The following CHAF1A variants were observed in gnomAD, a reference collection of about 807,000 sequenced individuals.
CHAF1A encodes chromatin assembly factor 1 subunit A.
A neutral mutation model predicts 93.2 loss-of-function variants in CHAF1A; 5 were observed. The ratio of observed to expected loss-of-function variants is 0.05; its 90% CI spans 0.03 to 0.11. The LOEUF (loss-of-function observed/expected upper bound fraction) is 0.11. Ranked by LOEUF, CHAF1A falls within the 10% of genes least tolerant of loss-of-function variation. The probability of loss-of-function intolerance (pLI) is 1.00; values close to 1 mark genes in which losing one functional copy is unlikely to be tolerated. For synonymous variants in CHAF1A, 504 were observed against 510.3 expected (o/e 0.99, Z 0.17); for missense variants, 1,102 against 1,259.9 (o/e 0.87, Z 1.90).
At position 4,433,016 on chromosome 19, in the gene CHAF1A, G is replaced by A; in HGVS notation, c.2204-54G>A. The A allele has an allele frequency of 3.6e-6, 5 of 1,399,340 alleles. No individual in the cohort carries two copies. The highest frequency in any genetic ancestry group is 1.4e-5 in the South Asian group (1 of 72,440). The allele number at this position is 1,399,340 out of a possible 1,614,324, so 86.7% of individuals were successfully genotyped here. On this transcript the variant is annotated intron_variant, in intron 12 of 14. Coordinates refer to ENST00000301280, the MANE Select transcript of CHAF1A (RefSeq NM_005483.3). This position sits in a 1 kb window ranked among gnomAD's most constrained non-coding sequence, Gnocchi z 5.6. ...GTGTATGTGTTTTGTTTTTTGGCCT[G>A]TGGTGATGGGTGGCTCCCCAAGCCT... is the stretch of plus-strand genomic sequence containing the variant.
chr19:4,447,129 A>G (rs1974550311), downstream of CHAF1A: 4 of 606,044 alleles, frequency 6.6e-6, no homozygotes, highest in South Asian at 8.0e-5. Flanking sequence ...GCACAGAGGA[A>G]AGAGTCACAA....
Position 4,409,391 on chromosome 19 carries a change from G to C in CHAF1A, c.592G>C (p.Asp198His). Residue 198 changes from aspartate to histidine, a missense_variant, in exon 3 of 15, where the codon GAC (aspartate) becomes CAC (histidine). Transcript: ENST00000301280. ...CTGTGGAGGTGCAGGGAGGAGAGGC[G>C]ACTCCCAGGAATGTTCGCCACGGAG... ...VGCGGAGRRG[D>H]SQECSPRSCP... 1 of 1,614,098 alleles carries C rather than the reference G, an allele frequency of 6.2e-7. No individual in the cohort carries two copies. The highest frequency in any genetic ancestry group is 8.5e-7 in the Non-Finnish European group (1 of 1,180,018).
intron 7 of CHAF1A, among the ~76,000 whole-genome samples, chr19:4,427,839 C>T (rs371471820): frequency 2.0e-5 from 3 of 152,202 alleles, no homozygotes; most frequent in East Asian, 1.9e-4. Context: ...CCACCCGCCT[C>T]GGCCTCCCAA....
At chr19:4,412,023 T>A (rs901565285) in intron 3 of CHAF1A, among the ~76,000 whole-genome samples, 1 of 152,154 alleles carries the variant, frequency 6.6e-6, no homozygotes, top group African/African-American at 2.4e-5. Context: ...ACAGATTATT[T>A]TATCACTCAG....
At chr19:4,404,135 TA>T (rs929921613) in intron 1 of CHAF1A, among the ~76,000 whole-genome samples, 10 of 148,514 alleles carry the variant, frequency 6.7e-5, no homozygotes, top group Admixed American at 2.0e-4. Flanking sequence ...TATTTAACTT[TA>T]AAAAAAAAAA....
At chr19:4,406,376 T>G (rs551460732) in intron 2 of CHAF1A, among the ~76,000 whole-genome samples, 1 of 152,220 alleles carries the variant, frequency 6.6e-6, no homozygotes, top group South Asian at 2.1e-4. Flanking sequence ...TCCCAAATCC[T>G]TCTGCATAAA....
chr19:4,445,324 T>C (rs1383551870), downstream of CHAF1A: 1 of 1,106,574 alleles, frequency 9.0e-7, no homozygotes, highest in African/African-American at 1.6e-5. Context: ...CCCCAAGGGA[T>C]GGGGGCTCTG....
Position 4,402,779 on chromosome 19 carries a change from A to G in CHAF1A, c.17A>G (p.Glu6Gly). MLEEL[E>G]CGAPGARGAA... ...GCCGGGGCGATGCTGGAGGAGCTGG[A>G]GTGCGGGGCGCCCGGCGCCAGGGGA... Residue 6 changes from glutamate to glycine, a missense_variant, in exon 1 of 15, where the codon GAG (glutamate) becomes GGG (glycine). Transcript: ENST00000301280. The G allele has an allele frequency of 8.3e-7, 1 of 1,204,590 alleles. No individual in the cohort carries two copies. Among genetic ancestry groups the G allele is most frequent in the Non-Finnish European group, 1.0e-6 (1 of 970,590 alleles). The allele number at this position is 1,204,590 out of a possible 1,614,324, so 74.6% of individuals were successfully genotyped here. A position where few individuals can be genotyped will look rare whatever the true frequency, so the allele number is the denominator to read the frequency against.
downstream of CHAF1A, chr19:4,446,691 G>A (rs140698840): frequency 1.3e-4 from 213 of 1,610,916 alleles, 3 homozygotes; most frequent in South Asian, 1.8e-3. Flanking sequence ...AGGTGGTCTC[G>A]CTCAGCACGT....
At chr19:4,419,255 C>T (rs1382744927) in intron 4 of CHAF1A, among the ~76,000 whole-genome samples, 1 of 152,052 alleles carries the variant, frequency 6.6e-6, no homozygotes, top group Non-Finnish European at 1.5e-5. Flanking sequence ...ACCAAAACTC[C>T]AGGGAAGGCC....
chr19:4,425,827 A>ACATTC (rs1280561524), intron 7 of CHAF1A, among the ~76,000 whole-genome samples: 2 of 152,216 alleles, frequency 1.3e-5, no homozygotes, highest in Non-Finnish European at 2.9e-5. Context: ...ACTCAGATGT[A>ACATTC]CATTCCCGGC....
At chr19:4,450,237 AAAAG>A in the CHAF1A span, 1 of 151,758 alleles carries the variant, frequency 6.6e-6, no homozygotes, top group African/African-American at 2.4e-5. Context: ...AAAAAAAAAA[AAAAG>A]CACTGGAGAG....
downstream of CHAF1A, chr19:4,446,982 C>G: frequency 6.5e-7 from 1 of 1,534,622 alleles, no homozygotes; most frequent in Middle Eastern, 1.7e-4. Flanking sequence ...GGCCACACCC[C>G]ACCCAGTCCA....
At chr19:4,446,399 TCCA>T, downstream of CHAF1A, 6 of 1,578,822 alleles carry the variant, frequency 3.8e-6, no homozygotes, top group Non-Finnish European at 5.1e-6. Flanking sequence ...GCTCAGCCGC[TCCA>T]CCGCCTCGGA....
Position 4,418,093 on chromosome 19 carries a change from G to A in CHAF1A, c.1017+17G>A. 2 of 1,569,796 alleles carry A rather than the reference G, an allele frequency of 1.3e-6. No homozygotes were observed. The highest frequency in any genetic ancestry group is 1.7e-6 in the Non-Finnish European group (2 of 1,150,652). ...CTGCAAAGAGTAAGACATTTTCCCT[G>A]AAATAGAAAATTAACCTGCTGTGCT... is the stretch of plus-strand genomic sequence containing the variant. On this transcript the variant is annotated intron_variant, in intron 4 of 14. Coordinates refer to ENST00000301280, the MANE Select transcript of CHAF1A (RefSeq NM_005483.3).
chr19:4,446,965 A>G (rs1490674176), downstream of CHAF1A: 1 of 1,589,576 alleles, frequency 6.3e-7, no homozygotes, highest in South Asian at 1.1e-5. Flanking sequence ...GGCTTCCTCC[A>G]TGGCCTGGCC....
chr19:4,442,232 CCT>C lies in CHAF1A; in HGVS notation c.2674-12_2674-11del. 1 of 1,613,186 alleles carries C rather than the reference CCT, an allele frequency of 6.2e-7. No homozygotes were observed. Among genetic ancestry groups the C allele is most frequent in the Non-Finnish European group, 8.5e-7 (1 of 1,179,270 alleles). On this transcript the variant is annotated splice_polypyrimidine_tract_variant and intron_variant, in intron 13 of 14. Transcript: ENST00000301280. ...GCCTGCAGTGCTGATGGCCGTGTAC[CCT>C]GTCTGTCCAGATTGGTGCTGAAGAC...
downstream of CHAF1A, among the ~76,000 whole-genome samples, chr19:4,443,957 A>G (rs1216970987): frequency 6.6e-6 from 1 of 152,102 alleles, no homozygotes; most frequent in Non-Finnish European, 1.5e-5. Context: ...AGGGAACCCT[A>G]TGTGGGAAAA....
chr19:4,446,317 C>T (rs1473881087), downstream of CHAF1A: 1 of 1,574,164 alleles, frequency 6.4e-7, no homozygotes, highest in Non-Finnish European at 8.6e-7. Context: ...GGCGCACGCG[C>T]AGCAGCGTGT....
Sources: allele counts gnomAD v4.1 joint callset (sites outside exome capture counted in the v4.1 genomes callset), GRCh38; gene constraint gnomAD v4.1.1; non-coding constraint Gnocchi (gnomAD v3.1); transcripts MANE v1.5; gene names NCBI Gene and HGNC (gene_info 2026-07-23, HGNC 2026-07-21).